The following PKD1 variants were observed in gnomAD, a reference collection of about 807,000 sequenced individuals.
PKD1 encodes polycystin-1.
PKD1 carries 81 observed loss-of-function variants against 361.7 expected under a neutral mutation model. The ratio of observed to expected loss-of-function variants is 0.22; its 90% confidence interval spans 0.19 to 0.27. PKD1 has a LOEUF of 0.27. Among genes scored for constraint, PKD1 ranks in the 10% least tolerant of loss-of-function variants. The pLI, the probability that PKD1 is intolerant of heterozygous loss-of-function variation, is 1.00. For missense variants in PKD1, 6,399 were observed against 6,118.3 expected (o/e 1.05, Z -1.53); for synonymous variants, 3,615 against 2,818.3 (o/e 1.28, Z -8.95).
chr16:2,115,889 G>A (rs1322729751), intron 9 of PKD1, 103 bp downstream of exon 9: 3 of 1,328,550 alleles, frequency 2.3e-6, no homozygotes, highest in African/African-American at 1.5e-5. Flanking sequence ...CTAAGACTGG[G>A]AACCACTCTG....
In PKD1 at chr16:2,102,091, G is replaced by C; in HGVS notation, c.9367C>G (p.Leu3123Val). The C allele has an allele frequency of 6.4e-7, 1 of 1,571,816 alleles. No homozygotes were observed. The highest frequency in any genetic ancestry group is 1.4e-5 in the African/African-American group (1 of 71,306). ...GQRGRFKYEI[L>V]VKTGWGRGSG... ...CCCCGGCCCCAGCCTGTCTTGACGA[G>C]GATCTCGTACTTGAAGCGGCCCCGC... The change falls in exon 26 of 46, where the codon CTC becomes GTC. Residue 3123 changes from leucine (L) to valine (V), a missense_variant. Leu to Val is a conservative substitution (Grantham distance 32, BLOSUM62 1). Transcript: ENST00000262304.
chr16:2,088,893 A>AT lies in PKD1; in HGVS notation c.*833_*834insA. 1.1e-5 allele frequency: 5 copies of AT among 445,712 alleles called. No homozygotes were observed. Among genetic ancestry groups the AT allele is most frequent in the Admixed American group, 3.8e-5 (1 of 26,106 alleles). The allele number at this position is 445,712 out of a possible 1,614,324, so 27.6% of individuals were successfully genotyped here. On this transcript the variant is annotated 3_prime_UTR_variant, in exon 46 of 46. Transcript: ENST00000262304. ...CGCGTGCGCGCGCGCACACACACAC[A>AT]CACACAGTCACCTTCCTCCACCCTG... is the stretch of plus-strand genomic sequence containing the variant.
At chr16:2,105,031 G>GGA (rs2092287706) in intron 21 of PKD1, among the ~76,000 whole-genome samples, 3 of 75,038 alleles carry the variant, frequency 4.0e-5, no homozygotes, top group African/African-American at 1.6e-4. Context: ...GGGGAGGGAA[G>GGA]GGGGAGGGGA....
At chr16:2,097,637 G>A (rs999856991) in intron 32 of PKD1, 91 bp downstream of exon 32, 10 of 1,610,402 alleles carry the variant, frequency 6.2e-6, no homozygotes, top group East Asian at 2.2e-5. Flanking sequence ...TGGAGCCACA[G>A]ACACCCAGCA....
At chr16:2,120,561 G>A (rs922939975) in intron 1 of PKD1, among the ~76,000 whole-genome samples, 3 of 152,194 alleles carry the variant, frequency 2.0e-5, no homozygotes, top group African/African-American at 7.2e-5. Flanking sequence ...AATCAGCCAG[G>A]CATGGTAGTG....
In PKD1 at chr16:2,102,336, C is replaced by T. The variant is rs1169462796; in HGVS notation, c.9201+45G>A. ...AGGATAGAGCCGAGCCCACCCAGGC[C>T]CTCCTCGACTCTGCAGAGGCTCCCA... is the stretch of plus-strand genomic sequence containing the variant. On this transcript the variant is annotated intron_variant, in intron 25 of 45. Transcript: ENST00000262304. 8 of 1,539,550 alleles carry T rather than the reference C, an allele frequency of 5.2e-6. No individual in the cohort carries two copies. In the South Asian group the frequency reaches 5.9e-5, roughly 11 times the overall value.
rs1318646100 is a variant in PKD1, at chr16:2,117,776, G to A, written c.1201+15C>T. 1 of 1,053,412 alleles carries A rather than the reference G, an allele frequency of 9.5e-7. No individual in the cohort carries two copies. The highest frequency in any genetic ancestry group is 1.4e-6 in the Non-Finnish European group (1 of 694,940). The allele number at this position is 1,053,412 out of a possible 1,614,324, so 65.3% of individuals were successfully genotyped here. A position where few individuals can be genotyped will look rare whatever the true frequency, so the allele number is the denominator to read the frequency against. On this transcript the variant is annotated intron_variant, in intron 5 of 45. Coordinates refer to ENST00000262304, the MANE Select transcript of PKD1 (RefSeq NM_001009944.3). Reference sequence around the variant, plus strand: ...TGGCCCTGGGGAGGAAGGGGAGTGGGCAGCAGACACTCACCTCGGGCCGGC... The same window carrying A: ...TGGCCCTGGGGAGGAAGGGGAGTGGACAGCAGACACTCACCTCGGGCCGGC...
Position 2,109,592 on chromosome 16 carries a change from C to G in PKD1, c.5575G>C (p.Ala1859Pro). 8 of 1,611,280 alleles carry G rather than the reference C, an allele frequency of 5.0e-6. No homozygotes were observed. Among genetic ancestry groups the G allele is most frequent in the Non-Finnish European group, 2.5e-6 (3 of 1,179,380 alleles). Residue 1859 changes from alanine (A) to proline (P), a missense_variant, in exon 15 of 46, where the codon GCT (alanine) becomes CCT (proline). Physicochemically the swap from Ala to Pro is conservative, Grantham distance 27. Transcript: ENST00000262304. ...GPHVTMVFPD[A>P]GTFSIRLNAS... ...TTGAGCCGGATGGAGAAGGTGCCAG[C>G]ATCCGGGAAGACCATGGTGACATGA...
rs1352451539 is a variant in PKD1, at chr16:2,088,860, CACACTCGCGCGT to C, written c.*855_*866del. The stretch of plus-strand genomic sequence containing the variant: ...CCTTGAGGCTGCCTGGGCCATACAG[CACACTCGCGCGT>C]GCGCGCGCGCACACACACACACACA... On this transcript the variant is annotated 3_prime_UTR_variant, in exon 46 of 46. Transcript: ENST00000262304. 3 of 555,120 alleles carry C rather than the reference CACACTCGCGCGT, an allele frequency of 5.4e-6. No homozygotes were observed. The African/African-American group carries it at 6.3e-5, about 12-fold the overall frequency. 34.4% of individuals were successfully genotyped at this position (555,120 alleles called of 1,614,324 possible). A position where few individuals can be genotyped will look rare whatever the true frequency, so the allele number is the denominator to read the frequency against.
rs753075656 is a variant in PKD1, at chr16:2,106,474, C to T, written c.7413G>A (p.Pro2471=). 1.1e-5 allele frequency: 18 copies of T among 1,589,502 alleles called. No individual in the cohort carries two copies. Among genetic ancestry groups the T allele is most frequent in the African/African-American group, 2.7e-5 (2 of 74,602 alleles). ...GGAAGAGGCGGCAAGAGCCCCCCAGCGGCGGGCGGTTGGGGGACAGGCGGA... is the reference window on the plus strand; with the variant it reads ...GGAAGAGGCGGCAAGAGCCCCCCAGTGGCGGGCGGTTGGGGGACAGGCGGA... ...ASIRLSPNRP[P]LGGSCRLFPL... is the part of the protein sequence containing the mutation. Residue 2471 remains proline, a synonymous_variant, in exon 18 of 46, where the codon CCG becomes CCA. Coordinates refer to ENST00000262304, the MANE Select transcript of PKD1 (RefSeq NM_001009944.3). The surrounding 1 kb of genome is among the most constrained non-coding windows in gnomAD (Gnocchi z 6.5).
rs1229273682 is a variant in PKD1 at position 2,108,828 on chromosome 16, G to C, written c.6339C>G (p.Ser2113=). ...QDTDEPRAEH[S]YLRPGDYRVQ... ...CGCGGTAGTCCCCAGGCCTCAGGTA[G>C]GAGTGCTCGGCCCTGGGCTCATCTG... Residue 2113 remains serine, a synonymous_variant, in exon 15 of 46, where the codon TCC becomes TCG. Coordinates refer to ENST00000262304, the MANE Select transcript of PKD1 (RefSeq NM_001009944.3). The C allele has an allele frequency of 6.4e-7, 1 of 1,570,562 alleles. No homozygotes were observed. Among genetic ancestry groups the C allele is most frequent in the East Asian group, 2.4e-5 (1 of 42,262 alleles).
intron 34 of PKD1, chr16:2,094,685 G>A (rs1362191966): frequency 9.8e-6 from 2 of 203,838 alleles, no homozygotes; most frequent in African/African-American, 4.7e-5. Flanking sequence ...CAGTGTGTAG[G>A]GCTCCCTGAG....
At chr16:2,101,796 C>T (rs566346184) in intron 26 of PKD1, among the ~76,000 whole-genome samples, 37 of 152,366 alleles carry the variant, frequency 2.4e-4, no homozygotes, top group Admixed American at 1.8e-3. Context: ...GCGATGCTCA[C>T]GTCACTTGTG....
intron 7 of PKD1, 62 bp from the exon 8 acceptor site, chr16:2,116,706 C>T: frequency 3.3e-6 from 4 of 1,218,148 alleles, no homozygotes; most frequent in South Asian, 1.3e-5. Flanking sequence ...GACGAACAGA[C>T]TGGGGACCGA....
At chr16:2,128,289 G>A (rs2092822713) in intron 1 of PKD1, among the ~76,000 whole-genome samples, 1 of 29,100 alleles carries the variant, frequency 3.4e-5, no homozygotes, top group Non-Finnish European at 6.3e-5. Flanking sequence ...CAGGGAGGGA[G>A]AGGTGGGAGG....
rs762604142 is a variant in PKD1 at position 2,103,474 on chromosome 16, G to A, written c.8583C>T (p.Ile2861=). 10 of 1,601,252 alleles carry A rather than the reference G, an allele frequency of 6.2e-6. No homozygotes were observed. Among genetic ancestry groups the A allele is most frequent in the Non-Finnish European group, 8.5e-6 (10 of 1,179,656 alleles). Residue 2861 remains isoleucine, a synonymous_variant, in exon 23 of 46, where the codon ATC becomes ATT. Transcript: ENST00000262304. ...MAFQTQAGAQ[I]PIERLASERA... ...GCTCTGAGGCCAGCCGCTCGATGGG[G>A]ATCTGGGCGCCGGCCTGTGTCTGGA... is the stretch of plus-strand genomic sequence containing the variant.
chr16:2,096,414 TCCG>T (rs1191380868), intron 34 of PKD1, among the ~76,000 whole-genome samples: 1 of 152,244 alleles, frequency 6.6e-6, no homozygotes, highest in African/African-American at 2.4e-5. Context: ...GTGGGTGCGC[TCCG>T]CCGCCGGCTG....
intron 1 of PKD1, among the ~76,000 whole-genome samples, chr16:2,134,095 C>T (rs1375591398): frequency 3.6e-5 from 5 of 138,808 alleles, no homozygotes; most frequent in Admixed American, 3.5e-4. Context: ...TCACAAACAA[C>T]GGGTGGGGTA....
In PKD1 at chr16:2,114,369, C is replaced by T. The variant is rs1265033856; in HGVS notation, c.2654G>A (p.Cys885Tyr). 4 of 1,609,658 alleles carry T rather than the reference C, an allele frequency of 2.5e-6. No individual in the cohort carries two copies. Among genetic ancestry groups the T allele is most frequent in the Admixed American group, 3.3e-5 (2 of 59,998 alleles). ...CAGGGTATCGTTGGTCTCCCAGGGG[C>T]AGCCGGGCACGAAGGTGGCCACCAG... ...PALVATFVPG[C>Y]PWETNDTLFS... Residue 885 changes from cysteine to tyrosine, a missense_variant, in exon 11 of 46, where the codon TGC (cysteine) becomes TAC (tyrosine). Physicochemically the swap from Cys to Tyr is radical, Grantham distance 194 (BLOSUM62 -2). Coordinates refer to ENST00000262304, the MANE Select transcript of PKD1 (RefSeq NM_001009944.3).
Sources: allele counts gnomAD v4.1 joint callset (sites outside exome capture counted in the v4.1 genomes callset), GRCh38; gene constraint gnomAD v4.1.1; non-coding constraint Gnocchi (gnomAD v3.1); transcripts MANE v1.5; gene names NCBI Gene and HGNC (gene_info 2026-07-23, HGNC 2026-07-21).